NRG1: variants seen among roughly 807,000 people sequenced by gnomAD.
NRG1 encodes the protein neuregulin 1, also known as pro-neuregulin-1, membrane-bound isoform.
Under a neutral mutation model 63.8 loss-of-function variants are expected in NRG1, and 18 were observed. The ratio of observed to expected loss-of-function variants is 0.28; its 90% confidence interval spans 0.19 to 0.42. The LOEUF (loss-of-function observed/expected upper bound fraction) is 0.42, where lower values mean the gene tolerates loss of function less well. Among genes scored for constraint, NRG1 ranks in the 10% least tolerant of loss-of-function variants. NRG1 has a pLI of 1.00. For missense variants in NRG1, 762 were observed against 814.7 expected (o/e 0.94, Z 0.79); for synonymous variants, 302 against 301.3 (o/e 1.00, Z -0.02).
chr8:32,378,149 G>A (rs531968639), intron 1 of NRG1, among the ~76,000 whole-genome samples: 1 of 152,084 alleles, frequency 6.6e-6, no homozygotes, highest in South Asian at 2.1e-4. Context: ...TAGGAGGTCA[G>A]TTGGTGTTAT....
chr8:32,474,517 G>A (rs536491535), intron 1 of NRG1, among the ~76,000 whole-genome samples: 56 of 146,922 alleles, frequency 3.8e-4, no homozygotes, highest in African/African-American at 1.1e-3. Flanking sequence ...TTTTTTGGAC[G>A]GAGTCTCACT....
intron 1 of NRG1, among the ~76,000 whole-genome samples, chr8:32,017,777 C>G (rs910022381): frequency 6.6e-6 from 1 of 152,176 alleles, no homozygotes; most frequent in Non-Finnish European, 1.5e-5. Flanking sequence ...GCACACCACC[C>G]TCCAGGAACC....
chr8:32,008,590 C>T (rs1814195657), intron 1 of NRG1, among the ~76,000 whole-genome samples: 1 of 151,944 alleles, frequency 6.6e-6, no homozygotes, highest in African/African-American at 2.4e-5. Flanking sequence ...ATTAAGAAGA[C>T]TGGAGTGTTT....
chr8:31,853,228 T>C (rs1387119326), intron 1 of NRG1, among the ~76,000 whole-genome samples: 1 of 152,208 alleles, frequency 6.6e-6, no homozygotes, highest in Non-Finnish European at 1.5e-5. Context: ...CGATATTGAT[T>C]CTTCCTACCC....
At chr8:32,726,569 T>G (rs1465868921) in intron 5 of NRG1, among the ~76,000 whole-genome samples, 1 of 152,038 alleles carries the variant, frequency 6.6e-6, no homozygotes, top group Non-Finnish European at 1.5e-5. Flanking sequence ...AAAACATGCC[T>G]TAGACAGGAT....
chr8:32,686,497 A>T (rs1351799050), intron 5 of NRG1, among the ~76,000 whole-genome samples: 7 of 152,198 alleles, frequency 4.6e-5, no homozygotes, highest in Non-Finnish European at 5.9e-5. Flanking sequence ...TAGTGACAGG[A>T]GGAGAAAAGT....
At chr8:32,746,867 C>CTTTTTTT (rs376346951) in intron 7 of NRG1, among the ~76,000 whole-genome samples, 37 of 127,308 alleles carry the variant, frequency 2.9e-4, no homozygotes, top group African/African-American at 9.2e-4. Flanking sequence ...GTGTATTCTG[C>CTTTTTTT]TTTTTTTTTT....
intron 1 of NRG1, among the ~76,000 whole-genome samples, chr8:32,324,920 A>T (rs1004534345): frequency 1.3e-5 from 2 of 152,204 alleles, no homozygotes; most frequent in African/African-American, 2.4e-5. Flanking sequence ...TGCCTCATTA[A>T]TGTCAACTGT....
intron 1 of NRG1, among the ~76,000 whole-genome samples, chr8:32,303,965 T>C (rs1003953729): frequency 1.3e-5 from 2 of 152,220 alleles, no homozygotes; most frequent in African/African-American, 4.8e-5. Flanking sequence ...TTGAAATAGG[T>C]ACATATACAA....
chr8:31,660,876 T>C (rs567755428), intron 1 of NRG1, among the ~76,000 whole-genome samples: 24 of 152,338 alleles, frequency 1.6e-4, no homozygotes, highest in Admixed American at 2.0e-4. Context: ...TTGGCCATCA[T>C]TTATTCTTTT....
intron 1 of NRG1, among the ~76,000 whole-genome samples, chr8:32,132,308 A>T (rs979652169): frequency 6.6e-6 from 1 of 152,106 alleles, no homozygotes; most frequent in Non-Finnish European, 1.5e-5. Flanking sequence ...AAAAGACTGA[A>T]ATAAGCAACA....
chr8:32,742,616 A>C lies in NRG1; in HGVS notation c.633-59A>C. The C allele has an allele frequency of 3.8e-5, 51 of 1,353,714 alleles. No homozygotes were observed. The highest frequency in any genetic ancestry group is 4.6e-5 in the Non-Finnish European group (44 of 947,160). 83.9% of individuals were successfully genotyped at this position (1,353,714 alleles called of 1,614,324 possible). On this transcript the variant is annotated intron_variant, in intron 6 of 11. Coordinates refer to ENST00000356819, the Ensembl canonical transcript of NRG1. This position sits in a 1 kb window ranked among gnomAD's most constrained non-coding sequence, Gnocchi z 4.2. ...CTGAAGGAGCTTCTTTCTAGCATAT[A>C]TTCACCTCTTCTCTTTTTCTCTGTT...
At chr8:31,672,729 A>C (rs1234081609) in intron 1 of NRG1, among the ~76,000 whole-genome samples, 1 of 152,188 alleles carries the variant, frequency 6.6e-6, no homozygotes, top group African/African-American at 2.4e-5. Context: ...TAAACTGAGC[A>C]TACCAACAAG....
chr8:32,092,791 A>C (rs1055464242), intron 1 of NRG1, among the ~76,000 whole-genome samples: 1 of 152,134 alleles, frequency 6.6e-6, no homozygotes, highest in Non-Finnish European at 1.5e-5. Context: ...TTCCAATGCC[A>C]CCTGTCCCAG....
chr8:32,087,605 G>A (rs1256795888), intron 1 of NRG1, among the ~76,000 whole-genome samples: 1 of 149,998 alleles, frequency 6.7e-6, no homozygotes, highest in Non-Finnish European at 1.5e-5. Context: ...TGAGTAGCTG[G>A]GACTACAGGT....
At chr8:32,342,419 T>C (rs184916360) in intron 1 of NRG1, among the ~76,000 whole-genome samples, 158 of 152,314 alleles carry the variant, frequency 1.0e-3, no homozygotes, top group Non-Finnish European at 2.0e-3. Flanking sequence ...GTCTAAGTCT[T>C]TTGCAAGTGT....
chr8:32,083,772 A>C (rs1827840206), intron 1 of NRG1, among the ~76,000 whole-genome samples: 1 of 84,054 alleles, frequency 1.2e-5, no homozygotes, highest in South Asian at 5.8e-4. Flanking sequence ...CATGTGATAC[A>C]GTATATATGT....
At chr8:31,899,150 C>T (rs1033779800) in intron 1 of NRG1, among the ~76,000 whole-genome samples, 3 of 151,642 alleles carry the variant, frequency 2.0e-5, no homozygotes, top group African/African-American at 7.3e-5. Flanking sequence ...GTCTCCCAGG[C>T]TGGACTGCAG....
intron 1 of NRG1, among the ~76,000 whole-genome samples, chr8:31,733,823 G>A (rs1448667315): frequency 6.6e-6 from 1 of 152,108 alleles, no homozygotes; most frequent in Non-Finnish European, 1.5e-5. Flanking sequence ...TCTGCTGTCA[G>A]CTTTCCAAAC....
Sources: gnomAD v4.1 joint callset for allele counts (sites outside exome capture counted in the v4.1 genomes callset) on GRCh38, gnomAD v4.1.1 for gene constraint, Gnocchi (gnomAD v3.1) non-coding constraint, MANE v1.5 for transcripts, NCBI Gene and HGNC (gene_info 2026-07-23, HGNC 2026-07-21) for gene names.